Variants in COL22A1 observed in about 807,000 individuals in gnomAD.
The protein encoded by COL22A1 is collagen type XXII alpha 1 chain.
In COL22A1, 221 loss-of-function variants were observed where a neutral mutation model predicts 248.9. The observed-to-expected ratio is 0.89, with a 90% CI of 0.80 to 0.99. The LOEUF is 0.99. Among genes scored for constraint, COL22A1 ranks in the 50% least tolerant of loss-of-function variants. The pLI, the probability that COL22A1 is intolerant of heterozygous loss-of-function variation, is 0.00. For synonymous variants in COL22A1, 891 were observed against 793.4 expected (o/e 1.12, Z -2.07); for missense variants, 2,240 against 2,179.0 (o/e 1.03, Z -0.56).
At chr8:138,705,257 G>T (rs543371666) in intron 30 of COL22A1, among the ~76,000 whole-genome samples, 2 of 152,114 alleles carry the variant, frequency 1.3e-5, no homozygotes, top group African/African-American at 2.4e-5. Context: ...GCAGGCCAAC[G>T]TTCAAATTCA....
intron 47 of COL22A1, among the ~76,000 whole-genome samples, chr8:138,641,337 GC>G (rs1396364505): frequency 6.6e-6 from 1 of 152,122 alleles, no homozygotes; most frequent in African/African-American, 2.4e-5. Context: ...TCCATGCCAG[GC>G]CCCCTTTAGG....
At chr8:138,766,847 C>G (rs1454376876) in intron 16 of COL22A1, among the ~76,000 whole-genome samples, 3 of 152,230 alleles carry the variant, frequency 2.0e-5, no homozygotes, top group Admixed American at 2.0e-4. Flanking sequence ...GGCACCCATG[C>G]CCCCCTGCAG....
At chr8:138,724,569 T>TGGGGAGAGGGAGGAGGGGAGC in intron 25 of COL22A1, 46 bp downstream of exon 25, 2 of 1,580,282 alleles carry the variant, frequency 1.3e-6, no homozygotes, top group Non-Finnish European at 1.7e-6. Flanking sequence ...CCCAGAGCAA[T>TGGGGAGAGGGAGGAGGGGAGC]GGGGAGAGGG....
At chr8:138,876,377 A>G (rs928531968) in intron 3 of COL22A1, among the ~76,000 whole-genome samples, 8 of 152,198 alleles carry the variant, frequency 5.3e-5, no homozygotes, top group African/African-American at 1.4e-4. Flanking sequence ...AGACGCTGCT[A>G]AAGTTTACCT....
At chr8:138,845,481 T>C (rs879506238) in intron 3 of COL22A1, among the ~76,000 whole-genome samples, 77 of 151,602 alleles carry the variant, frequency 5.1e-4, no homozygotes, top group Non-Finnish European at 1.0e-3. Context: ...CGCCACTGCA[T>C]GACAGCCTGG....
chr8:138,865,875 CTGTG>C (rs2131981953), intron 3 of COL22A1, among the ~76,000 whole-genome samples: 1 of 144,434 alleles, frequency 6.9e-6, no homozygotes, highest in Admixed American at 7.0e-5. Flanking sequence ...GTTTGTATGC[CTGTG>C]TATGTGTATG....
At chr8:138,658,535 T>C (rs1229502271) in intron 44 of COL22A1, among the ~76,000 whole-genome samples, 1 of 152,188 alleles carries the variant, frequency 6.6e-6, no homozygotes, top group Non-Finnish European at 1.5e-5. Flanking sequence ...TTTGTGAGTA[T>C]TGTCACACAC....
intron 16 of COL22A1, among the ~76,000 whole-genome samples, chr8:138,772,154 C>T (rs1834421385): frequency 6.6e-6 from 1 of 152,220 alleles, no homozygotes; most frequent in African/African-American, 2.4e-5. Flanking sequence ...TGAGGGAAGG[C>T]CGTCTGCACG....
chr8:138,873,860 T>C (rs562584448), intron 3 of COL22A1, among the ~76,000 whole-genome samples: 1 of 152,316 alleles, frequency 6.6e-6, no homozygotes, highest in East Asian at 1.9e-4. Flanking sequence ...GGTTATTGAA[T>C]GAATGAGTGA....
At position 138,878,203 on chromosome 8, in the gene COL22A1, C is replaced by T. The variant is rs1159707370; in HGVS notation, c.205G>A (p.Glu69Lys). The change falls in exon 3 of 65, where the codon GAG becomes AAG. Residue 69 changes from glutamate (E) to lysine (K), a missense_variant. Transcript: ENST00000303045. ...ACACGGGTGCGGTCGGGGCCCACCT[C>T]GAAGGTGTCCACCAGGTTGGCCACC... ...QWVANLVDTF[E>K]VGPDRTRVGV... is the part of the protein sequence containing the mutation. 5 of 1,598,078 alleles carry T rather than the reference C, an allele frequency of 3.1e-6. No individual in the cohort carries two copies. The highest frequency in any genetic ancestry group is 2.3e-5 in the South Asian group (2 of 88,114).
intron 1 of COL22A1, among the ~76,000 whole-genome samples, chr8:138,894,514 G>T (rs1586985489): frequency 6.6e-6 from 1 of 152,110 alleles, no homozygotes; most frequent in African/African-American, 2.4e-5. Flanking sequence ...CAGATGAAGA[G>T]TGCAGGCTGG....
At position 138,698,344 on chromosome 8, in the gene COL22A1, C is replaced by T. The variant is rs554517766; in HGVS notation, c.2592+1768G>A. On this transcript the variant is annotated intron_variant, in intron 32 of 64. Transcript: ENST00000303045. ...ACACACTAGCCCCTAATTCCTATCT[C>T]GCTGGTAGGGCCTTCTTGGCAAGTT... is the stretch of plus-strand genomic sequence containing the variant. Among the ~76,000 whole-genome samples the T allele has an allele frequency of 6.0e-4, 91 of 152,336 alleles. 1 individual carries two copies. Among genetic ancestry groups the T allele is most frequent in the African/African-American group, 2.1e-3 (86 of 41,580 alleles).
chr8:138,658,218 G>A (rs1387872446), intron 44 of COL22A1, among the ~76,000 whole-genome samples: 1 of 152,186 alleles, frequency 6.6e-6, no homozygotes, highest in East Asian at 1.9e-4. Flanking sequence ...AGCTCAGCAG[G>A]CCAGTGTTGT....
chr8:138,895,597 A>C (rs1320503606), intron 1 of COL22A1, among the ~76,000 whole-genome samples: 1 of 152,196 alleles, frequency 6.6e-6, no homozygotes, highest in African/African-American at 2.4e-5. Flanking sequence ...ACAACAGACC[A>C]ATAGAATTTA....
chr8:138,685,271 G>A lies in COL22A1; in HGVS notation c.2904C>T (p.Pro968=), dbSNP rs1445057851. ...GEEGSPGPVG[P]RGDPGAPGLP... is the part of the protein sequence containing the mutation. ...GCCCAGGAGCACCAGGATCTCCCCTGGGACCAACTGGCCCTGGGCTGCCTT... is the reference window on the plus strand; with the variant it reads ...GCCCAGGAGCACCAGGATCTCCCCTAGGACCAACTGGCCCTGGGCTGCCTT... The change falls in exon 38 of 65, where the codon CCC becomes CCT. Residue 968 remains proline, a synonymous_variant. Coordinates refer to ENST00000303045, the MANE Select transcript of COL22A1 (RefSeq NM_152888.3). The A allele has an allele frequency of 2.5e-6, 4 of 1,613,716 alleles. No individual in the cohort carries two copies. Among genetic ancestry groups the A allele is most frequent in the Non-Finnish European group, 3.4e-6 (4 of 1,179,886 alleles).
At chr8:138,816,212 A>C (rs528512100) in intron 7 of COL22A1, among the ~76,000 whole-genome samples, 2 of 152,242 alleles carry the variant, frequency 1.3e-5, no homozygotes, top group South Asian at 4.1e-4. Context: ...AGCACACTGG[A>C]TTGGGGATCT....
intron 3 of COL22A1, among the ~76,000 whole-genome samples, chr8:138,850,799 C>G (rs1821583066): frequency 6.6e-6 from 1 of 152,332 alleles, no homozygotes; most frequent in East Asian, 1.9e-4. Context: ...AACTCAAAAA[C>G]AGAGGCGAAA....
chr8:138,769,572 C>G (rs1276535344), intron 16 of COL22A1, among the ~76,000 whole-genome samples: 1 of 152,144 alleles, frequency 6.6e-6, no homozygotes, highest in Admixed American at 6.5e-5. Flanking sequence ...CCACCCTGTT[C>G]TAGGAGCAGC....
At chr8:138,698,567 T>C (rs1180173292) in intron 32 of COL22A1, among the ~76,000 whole-genome samples, 2 of 152,196 alleles carry the variant, frequency 1.3e-5, no homozygotes, top group Non-Finnish European at 2.9e-5. Flanking sequence ...GGTAAGGGAG[T>C]TCCTCATGCA....
Sources: allele counts gnomAD v4.1 joint callset (sites outside exome capture counted in the v4.1 genomes callset), GRCh38; gene constraint gnomAD v4.1.1; transcripts MANE v1.5; gene names NCBI Gene and HGNC (gene_info 2026-07-23, HGNC 2026-07-21).